Variants in CDS2 observed in about 807,000 individuals in gnomAD.
CDS2 encodes CDP-diacylglycerol synthase 2, also known as phosphatidate cytidylyltransferase 2.
Under a neutral mutation model 59.0 loss-of-function variants are expected in CDS2, and 47 were observed. The ratio of observed to expected loss-of-function variants is 0.80; its 90% CI spans 0.63 to 1.02. The LOEUF is 1.02. Among genes scored for constraint, CDS2 ranks in the 50% least tolerant of loss-of-function variants. CDS2 has a pLI of 0.00. For synonymous variants in CDS2, 207 were observed against 206.4 expected (o/e 1.00, Z -0.02); for missense variants, 356 against 558.9 (o/e 0.64, Z 3.66).
At chr20:5,160,476 A>G (rs943592924) in intron 1 of CDS2, among the ~76,000 whole-genome samples, 1 of 152,156 alleles carries the variant, frequency 6.6e-6, no homozygotes, top group Non-Finnish European at 1.5e-5. Context: ...TACAGCTGTT[A>G]GACTGTCTGC....
chr20:5,131,217 G>T (rs1234748405), intron 1 of CDS2, among the ~76,000 whole-genome samples: 2 of 152,044 alleles, frequency 1.3e-5, no homozygotes, highest in African/African-American at 4.8e-5. Context: ...ATAATCTGGA[G>T]CATGTTTATT....
chr20:5,156,708 T>C (rs1404770766), intron 1 of CDS2, among the ~76,000 whole-genome samples: 1 of 152,230 alleles, frequency 6.6e-6, no homozygotes, highest in Non-Finnish European at 1.5e-5. Context: ...GCTTCAGGCC[T>C]GGTTTAATCC....
intron 1 of CDS2, among the ~76,000 whole-genome samples, 168 bp from the exon 2 acceptor site, chr20:5,173,355 A>G (rs867656820): frequency 3.9e-5 from 6 of 152,216 alleles, no homozygotes; most frequent in South Asian, 2.1e-4. Flanking sequence ...ACATGTCACA[A>G]CAGTGTCAGG....
intron 5 of CDS2, among the ~76,000 whole-genome samples, chr20:5,181,543 T>G (rs1368939113): frequency 6.6e-6 from 1 of 152,230 alleles, no homozygotes; most frequent in African/African-American, 2.4e-5. Flanking sequence ...GGCAGCAAAC[T>G]TTTTATTAAA....
rs995490554 is a variant in CDS2 at position 5,184,789 on chromosome 20, C to G, written c.672-69C>G. ...TTTTGGTGCTGGAATTTAAGAATGG[C>G]ACTATTTTGTGTACTTTTGAGGTAC... On this transcript the variant is annotated intron_variant, in intron 7 of 12. Transcript: ENST00000460006. The surrounding 1 kb of genome is among the most constrained non-coding windows in gnomAD (Gnocchi z 4.3). 15 of 1,121,596 alleles carry G rather than the reference C, an allele frequency of 1.3e-5. No homozygotes were observed. Among genetic ancestry groups the G allele is most frequent in the Non-Finnish European group, 2.0e-5 (15 of 733,254 alleles). 69.5% of individuals were successfully genotyped at this position (1,121,596 alleles called of 1,614,324 possible).
chr20:5,145,130 G>T (rs2090729413), intron 1 of CDS2, among the ~76,000 whole-genome samples: 1 of 151,910 alleles, frequency 6.6e-6, no homozygotes, highest in Non-Finnish European at 1.5e-5. Context: ...GTAGTGTCTT[G>T]GCTCACCTCT....
intron 1 of CDS2, among the ~76,000 whole-genome samples, chr20:5,136,829 G>T (rs2090653635): frequency 6.6e-6 from 1 of 152,204 alleles, no homozygotes; most frequent in East Asian, 1.9e-4. Context: ...TACATGTGCA[G>T]GTTTGGTACA....
At chr20:5,172,515 G>A (rs76722286) in intron 1 of CDS2, among the ~76,000 whole-genome samples, 3,950 of 152,280 alleles carry the variant, frequency 0.026, 75 homozygotes, top group East Asian at 0.08. Context: ...TCACAATTCC[G>A]TGTATTCATC....
chr20:5,142,127 AAT>A, intron 1 of CDS2, among the ~76,000 whole-genome samples: 1 of 152,202 alleles, frequency 6.6e-6, no homozygotes, highest in East Asian at 1.9e-4. Context: ...AAGCCTGAGC[AAT>A]AGAGTGAGAC....
At position 5,191,115 on chromosome 20, in the gene CDS2, A is replaced by G. The variant is rs2091111353; in HGVS notation, c.*881A>G. 1 of 152,610 alleles carries G rather than the reference A, an allele frequency of 6.6e-6. No individual in the cohort carries two copies. 9.5% of individuals were successfully genotyped at this position (152,610 alleles called of 1,614,324 possible). A position where few individuals can be genotyped will look rare whatever the true frequency, so the allele number is the denominator to read the frequency against. ...GCAGGGAGCAGAGGGCTTCTCGTTC[A>G]TGCACCCTTTGCCTGAACACCCATG... On this transcript the variant is annotated 3_prime_UTR_variant, in exon 13 of 13. Coordinates refer to ENST00000460006, the MANE Select transcript of CDS2 (RefSeq NM_003818.4).
chr20:5,170,075 A>C (rs968179910), intron 1 of CDS2, among the ~76,000 whole-genome samples: 2 of 152,028 alleles, frequency 1.3e-5, no homozygotes, highest in Admixed American at 1.3e-4. Flanking sequence ...TCGGGGTCGC[A>C]TTGGTCATCC....
intron 1 of CDS2, among the ~76,000 whole-genome samples, chr20:5,166,918 A>G (rs1174008767): frequency 1.3e-5 from 2 of 152,190 alleles, no homozygotes; most frequent in East Asian, 3.9e-4. Context: ...GTGGGGAAGA[A>G]AGTGCATTGG....
chr20:5,145,826 T>A (rs1451527098), intron 1 of CDS2, among the ~76,000 whole-genome samples: 2 of 148,216 alleles, frequency 1.3e-5, no homozygotes, highest in Non-Finnish European at 3.0e-5. Flanking sequence ...TTTTGTGTTT[T>A]TTTTTTTTTT....
At chr20:5,160,667 T>C (rs980042945) in intron 1 of CDS2, among the ~76,000 whole-genome samples, 2 of 152,206 alleles carry the variant, frequency 1.3e-5, no homozygotes, top group Non-Finnish European at 2.9e-5. Flanking sequence ...CCAGAATATT[T>C]TCATCTTCCC....
intron 1 of CDS2, among the ~76,000 whole-genome samples, chr20:5,148,852 T>A (rs542213604): frequency 6.6e-6 from 1 of 152,382 alleles, no homozygotes; most frequent in African/African-American, 2.4e-5. Context: ...ATCTCCTGTC[T>A]GTTCCACAGA....
chr20:5,156,649 A>G (rs888994507), intron 1 of CDS2, among the ~76,000 whole-genome samples: 1 of 152,206 alleles, frequency 6.6e-6, no homozygotes, highest in African/African-American at 2.4e-5. Flanking sequence ...CTAAAAAGAA[A>G]AAAAGGAATC....
chr20:5,168,767 G>C (rs1441584455), intron 1 of CDS2: 2 of 404,052 alleles, frequency 4.9e-6, no homozygotes, highest in African/African-American at 4.1e-5. Context: ...TCTGGACTGA[G>C]CTAGGTCCCT....
intron 5 of CDS2, among the ~76,000 whole-genome samples, chr20:5,180,386 C>T (rs2091025316): frequency 6.6e-6 from 1 of 151,812 alleles, no homozygotes; most frequent in South Asian, 2.1e-4. Flanking sequence ...CCGAGGGCTG[C>T]TGGTTGCCCA....
intron 1 of CDS2, among the ~76,000 whole-genome samples, chr20:5,164,734 T>C (rs1213105795): frequency 2.0e-5 from 3 of 152,190 alleles, no homozygotes; most frequent in Non-Finnish European, 2.9e-5. Context: ...GAAGGACCCG[T>C]TGGACTCCAG....
Sources: gnomAD v4.1 joint callset for allele counts (sites outside exome capture counted in the v4.1 genomes callset) on GRCh38, gnomAD v4.1.1 for gene constraint, Gnocchi (gnomAD v3.1) non-coding constraint, MANE v1.5 for transcripts, NCBI Gene and HGNC (gene_info 2026-07-23, HGNC 2026-07-21) for gene names.